Variants in KCNQ1 observed in about 807,000 individuals in gnomAD.
KCNQ1 encodes potassium voltage-gated channel subfamily Q member 1.
KCNQ1 carries 49 observed loss-of-function variants against 72.4 expected under a neutral mutation model. The observed-to-expected ratio is 0.68, with a 90% CI of 0.54 to 0.86. KCNQ1 has a LOEUF of 0.86. KCNQ1 is among the 40% of genes least tolerant of loss of function. The pLI, the probability that KCNQ1 is intolerant of heterozygous loss-of-function variation, is 0.00. For synonymous variants in KCNQ1, 450 were observed against 412.6 expected (o/e 1.09, Z -1.10); for missense variants, 790 against 945.1 (o/e 0.84, Z 2.15).
rs536199785 is a variant in KCNQ1 at position 2,714,213 on chromosome 11, A to G, written c.1514+52132A>G. Among the ~76,000 whole-genome samples the G allele has an allele frequency of 3.3e-5, 5 of 152,332 alleles. No individual in the cohort carries two copies. In the East Asian group the frequency reaches 9.6e-4, roughly 29 times the overall value. On this transcript the variant is annotated intron_variant, in intron 11 of 15. Coordinates refer to ENST00000155840, the MANE Select transcript of KCNQ1 (RefSeq NM_000218.3). ...TCCACAGGATAAGTCAAATGGGAGCATTCCAGCATTCCGCATCTCATGGGG... is the reference window on the plus strand; with the variant it reads ...TCCACAGGATAAGTCAAATGGGAGCGTTCCAGCATTCCGCATCTCATGGGG...
chr11:2,847,673 T>G, intron 15 of KCNQ1, 94 bp from the exon 16 acceptor site: 1 of 1,202,560 alleles, frequency 8.3e-7, no homozygotes, highest in Non-Finnish European at 1.2e-6. Context: ...GGTTGGCACC[T>G]TCCCTTCTCT....
intron 10 of KCNQ1, chr11:2,635,446 C>T (rs1236397625): frequency 6.6e-6 from 1 of 152,170 alleles, no homozygotes. Context: ...GGAATCCTTT[C>T]CCCATTTCTT....
At chr11:2,460,322 A>G (rs1846257181) in intron 1 of KCNQ1, among the ~76,000 whole-genome samples, 1 of 152,180 alleles carries the variant, frequency 6.6e-6, no homozygotes, top group Non-Finnish European at 1.5e-5. Flanking sequence ...CTGCGCCCAT[A>G]TCCCTGGTCT....
chr11:2,722,086 A>G (rs1357195669), intron 11 of KCNQ1, among the ~76,000 whole-genome samples: 3 of 152,088 alleles, frequency 2.0e-5, no homozygotes, highest in Non-Finnish European at 4.4e-5. Flanking sequence ...CAGACAGCCT[A>G]CTATGGTCCT....
At chr11:2,700,734 C>T (rs899646453) in intron 11 of KCNQ1, among the ~76,000 whole-genome samples, 1 of 152,084 alleles carries the variant, frequency 6.6e-6, no homozygotes, top group African/African-American at 2.4e-5. Context: ...CCGAGGGCGC[C>T]CCGCGCCTGC....
rs1446524456 is a variant in KCNQ1, at chr11:2,564,783, T to A, written c.478-5845T>A. 6.6e-6 allele frequency among the ~76,000 whole-genome samples: 1 copy of A among 152,222 alleles called. No individual in the cohort carries two copies. Among genetic ancestry groups the A allele is most frequent in the African/African-American group, 2.4e-5 (1 of 41,458 alleles). ...CCCCTGGCGCCCATCATCTACTTTCTACCTCTGTGAATCTGATGACTGTAG... is the reference window on the plus strand; with the variant it reads ...CCCCTGGCGCCCATCATCTACTTTCAACCTCTGTGAATCTGATGACTGTAG... On this transcript the variant is annotated intron_variant, in intron 2 of 15. Transcript: ENST00000155840. This position sits in a 1 kb window ranked among gnomAD's most constrained non-coding sequence, Gnocchi z 4.5.
Position 2,767,086 on chromosome 11 carries a change from T to G in KCNQ1, c.1515-1758T>G, listed in dbSNP as rs1280510538. Among the ~76,000 whole-genome samples, 1 of 152,178 alleles carries G rather than the reference T, an allele frequency of 6.6e-6. No homozygotes were observed. Among genetic ancestry groups the G allele is most frequent in the Non-Finnish European group, 1.5e-5 (1 of 68,024 alleles). On this transcript the variant is annotated intron_variant, in intron 11 of 15. Coordinates refer to ENST00000155840, the MANE Select transcript of KCNQ1 (RefSeq NM_000218.3). The surrounding 1 kb of genome is among the most constrained non-coding windows in gnomAD (Gnocchi z 4.6). Reference sequence around the variant, plus strand: ...AGGAGGCTGAGGCAGAAAAATCACTTGAACCCGGGAGGCGGAGGCTGCAGT... The same window carrying G: ...AGGAGGCTGAGGCAGAAAAATCACTGGAACCCGGGAGGCGGAGGCTGCAGT...
At chr11:2,761,091 A>T (rs1192444982) in intron 11 of KCNQ1, among the ~76,000 whole-genome samples, 2 of 152,078 alleles carry the variant, frequency 1.3e-5, no homozygotes, top group Non-Finnish European at 2.9e-5. Flanking sequence ...GGGCTTGGAG[A>T]ATGAGTGCAA....
At position 2,593,483 on chromosome 11, in the gene KCNQ1, G is replaced by C. The variant is rs1468664601; in HGVS notation, c.1393+4629G>C. On this transcript the variant is annotated intron_variant, in intron 10 of 15. Coordinates refer to ENST00000155840, the MANE Select transcript of KCNQ1 (RefSeq NM_000218.3). This position sits in a 1 kb window ranked among gnomAD's most constrained non-coding sequence, Gnocchi z 6.9. ...ACCTGGCCTGGAGGTGATTCTGAAG[G>C]GCTTCTGGGGAGGCGTCTTCAAAGC... Among the ~76,000 whole-genome samples the C allele has an allele frequency of 6.6e-6, 1 of 152,194 alleles. No homozygotes were observed. The highest frequency in any genetic ancestry group is 1.5e-5 in the Non-Finnish European group (1 of 68,040).
At position 2,468,262 on chromosome 11, in the gene KCNQ1, T is replaced by G. The variant is rs959177317; in HGVS notation, c.386+22778T>G. Among the ~76,000 whole-genome samples, 7 of 152,296 alleles carry G rather than the reference T, an allele frequency of 4.6e-5. No individual in the cohort carries two copies. Among genetic ancestry groups the G allele is most frequent in the Middle Eastern group, 3.4e-3 (1 of 294 alleles). ...CCCTGGCTCAAGAGATCCTCCCGCC[T>G]CAGCCTCCTGAGTAGCTGGGACTAC... On this transcript the variant is annotated intron_variant, in intron 1 of 15. Transcript: ENST00000155840. This position sits in a 1 kb window ranked among gnomAD's most constrained non-coding sequence, Gnocchi z 5.7.
chr11:2,780,946 T>A (rs1337554600), intron 15 of KCNQ1, among the ~76,000 whole-genome samples: 3 of 152,070 alleles, frequency 2.0e-5, no homozygotes, highest in Non-Finnish European at 2.9e-5. Flanking sequence ...ATTCCAGGGA[T>A]CCCTTCCACC....
chr11:2,656,180 T>C (rs1849845019), intron 10 of KCNQ1: 2 of 398,526 alleles, frequency 5.0e-6, no homozygotes, highest in African/African-American at 2.1e-5. Context: ...GTTTTTTCTT[T>C]CTTCCTTCCT....
At position 2,651,457 on chromosome 11, in the gene KCNQ1, T is replaced by C. The variant is rs1265993887; in HGVS notation, c.1394-10504T>C. The C allele has an allele frequency of 2.5e-6, 1 of 398,636 alleles. No individual in the cohort carries two copies. Among genetic ancestry groups the C allele is most frequent in the Non-Finnish European group, 4.4e-6 (1 of 226,162 alleles). The allele number at this position is 398,636 out of a possible 1,614,324, so 24.7% of individuals were successfully genotyped here. On this transcript the variant is annotated intron_variant, in intron 10 of 15. Coordinates refer to ENST00000155840, the MANE Select transcript of KCNQ1 (RefSeq NM_000218.3). The surrounding 1 kb of genome is among the most constrained non-coding windows in gnomAD (Gnocchi z 6.1). The stretch of plus-strand genomic sequence containing the variant: ...AGCAAGTGCCTGAAGTCAGAGGTAG[T>C]GCTTATGAAAGTATCTGGTGGGCTT...
chr11:2,543,024 G>A lies in KCNQ1; in HGVS notation c.477+15006G>A, dbSNP rs1171964089. Among the ~76,000 whole-genome samples, 1 of 152,196 alleles carries A rather than the reference G, an allele frequency of 6.6e-6. No homozygotes were observed. ...TTTCATGTTAGCCAGTCTAAGAGGTGTGCGTGGCATCCTGCTGTGGTTTTA... is the reference window on the plus strand; with the variant it reads ...TTTCATGTTAGCCAGTCTAAGAGGTATGCGTGGCATCCTGCTGTGGTTTTA... On this transcript the variant is annotated intron_variant, in intron 2 of 15. Coordinates refer to ENST00000155840, the MANE Select transcript of KCNQ1 (RefSeq NM_000218.3). This position sits in a 1 kb window ranked among gnomAD's most constrained non-coding sequence, Gnocchi z 5.6.
chr11:2,539,008 G>A (rs1198150937), intron 2 of KCNQ1, among the ~76,000 whole-genome samples: 1 of 152,216 alleles, frequency 6.6e-6, no homozygotes, highest in Non-Finnish European at 1.5e-5. Context: ...GGAAGGCAGT[G>A]AGCCCCACCT....
rs1421125285 is a variant in KCNQ1, at chr11:2,495,889, C to G, written c.387-32039C>G. On this transcript the variant is annotated intron_variant, in intron 1 of 15. Coordinates refer to ENST00000155840, the MANE Select transcript of KCNQ1 (RefSeq NM_000218.3). This position sits in a 1 kb window ranked among gnomAD's most constrained non-coding sequence, Gnocchi z 4.6. ...AGAGCTGAGTTCAAGTCCTGAATAT[C>G]CTTGTTAATTTTCTGTCTCATTGAT... 6.6e-6 allele frequency among the ~76,000 whole-genome samples: 1 copy of G among 152,140 alleles called. No homozygotes were observed. Among genetic ancestry groups the G allele is most frequent in the Non-Finnish European group, 1.5e-5 (1 of 68,032 alleles).
intron 1 of KCNQ1, among the ~76,000 whole-genome samples, chr11:2,519,973 G>A (rs1044216586): frequency 5.3e-5 from 8 of 152,242 alleles, no homozygotes; most frequent in South Asian, 2.1e-4. Flanking sequence ...TGCACAGCAC[G>A]GGAGTGATGC....
rs201284785 is a variant in KCNQ1, at chr11:2,478,028, G to A, written c.386+32544G>A. On this transcript the variant is annotated intron_variant, in intron 1 of 15. Transcript: ENST00000155840. The surrounding 1 kb of genome is among the most constrained non-coding windows in gnomAD (Gnocchi z 4.0). Reference sequence around the variant, plus strand: ...ATCACTTTCTAGAGGCAAAGCTGGCGACACCACCCGAGCCAAGTGATCCAA... The same window carrying A: ...ATCACTTTCTAGAGGCAAAGCTGGCAACACCACCCGAGCCAAGTGATCCAA... Among the ~76,000 whole-genome samples the A allele has an allele frequency of 1.3e-5, 2 of 152,140 alleles. No individual in the cohort carries two copies. The highest frequency in any genetic ancestry group is 1.9e-4 in the East Asian group (1 of 5,194).
rs1272740747 is a variant in KCNQ1 at position 2,735,592 on chromosome 11, G to A, written c.1515-33252G>A. ...ATTTTCTGTTGAGCACACTTGAGGAGCACTTGGAGGAGCTGGGGGATGACA... is the reference window on the plus strand; with the variant it reads ...ATTTTCTGTTGAGCACACTTGAGGAACACTTGGAGGAGCTGGGGGATGACA... On this transcript the variant is annotated intron_variant, in intron 11 of 15. Coordinates refer to ENST00000155840, the MANE Select transcript of KCNQ1 (RefSeq NM_000218.3). This position sits in a 1 kb window ranked among gnomAD's most constrained non-coding sequence, Gnocchi z 7.7. Among the ~76,000 whole-genome samples, 2 of 152,134 alleles carry A rather than the reference G, an allele frequency of 1.3e-5. No homozygotes were observed. Among genetic ancestry groups the A allele is most frequent in the Non-Finnish European group, 2.9e-5 (2 of 68,024 alleles).
Sources: allele counts gnomAD v4.1 joint callset (sites outside exome capture counted in the v4.1 genomes callset), GRCh38; gene constraint gnomAD v4.1.1; non-coding constraint Gnocchi (gnomAD v3.1); transcripts MANE v1.5; gene names NCBI Gene and HGNC (gene_info 2026-07-23, HGNC 2026-07-21).